TG: variants seen among roughly 807,000 people sequenced by gnomAD.
TG encodes the protein thyroid hormones.
A neutral mutation model predicts 324.7 loss-of-function variants in TG; 270 were observed. The ratio of observed to expected loss-of-function variants is 0.83; its 90% CI spans 0.75 to 0.92. The LOEUF (loss-of-function observed/expected upper bound fraction) is 0.92. Among genes scored for constraint, TG ranks in the 40% least tolerant of loss-of-function variants. TG has a pLI of 0.00. For missense variants in TG, 3,591 were observed against 3,456.4 expected, an observed-to-expected ratio of 1.04 and a Z score of -0.98; for synonymous variants, 1,401 against 1,327.0, an observed-to-expected ratio of 1.06 and a Z score of -1.21.
intron 34 of TG, among the ~76,000 whole-genome samples, chr8:132,973,155 T>G (rs1284359537): frequency 6.6e-6 from 1 of 152,180 alleles, no homozygotes; most frequent in Non-Finnish European, 1.5e-5. Context: ...TTGACGGTCC[T>G]AACAAGATGG....
chr8:133,010,751 C>T (rs542634401), intron 35 of TG, among the ~76,000 whole-genome samples: 77 of 152,168 alleles, frequency 5.1e-4, no homozygotes, highest in Non-Finnish European at 9.8e-4. Flanking sequence ...AGGCACGGCC[C>T]TTGCACCAGA....
chr8:133,057,015 GA>G (rs1310532118), intron 41 of TG, among the ~76,000 whole-genome samples: 1 of 152,156 alleles, frequency 6.6e-6, no homozygotes, highest in Non-Finnish European at 1.5e-5. Flanking sequence ...CAGGTGGTGC[GA>G]AGACCACTTA....
chr8:132,895,074 C>T (rs1816903108), intron 11 of TG, among the ~76,000 whole-genome samples: 1 of 152,254 alleles, frequency 6.6e-6, no homozygotes, highest in Non-Finnish European at 1.5e-5. Context: ...AGCCCTTGTT[C>T]TTCCTCCATA....
chr8:133,110,492 T>C (rs898846942), intron 43 of TG, among the ~76,000 whole-genome samples: 25 of 152,262 alleles, frequency 1.6e-4, no homozygotes, highest in African/African-American at 5.8e-4. Context: ...AAGAGAGCCT[T>C]CTTCCATGAA....
At chr8:133,031,444 A>T (rs1408175465) in intron 41 of TG, among the ~76,000 whole-genome samples, 1 of 152,122 alleles carries the variant, frequency 6.6e-6, no homozygotes, top group Non-Finnish European at 1.5e-5. Flanking sequence ...GAAGGCCTTT[A>T]AGCAGGAAGG....
At chr8:133,129,873 A>G (rs1851816621) in intron 45 of TG, among the ~76,000 whole-genome samples, 1 of 152,130 alleles carries the variant, frequency 6.6e-6, no homozygotes, top group African/African-American at 2.4e-5. Flanking sequence ...ATCCACCTAT[A>G]CACTTAACAG....
At chr8:133,067,852 G>A (rs2958701) in intron 41 of TG, among the ~76,000 whole-genome samples, 3 of 131,636 alleles carry the variant, frequency 2.3e-5, no homozygotes, top group African/African-American at 9.6e-5. Flanking sequence ...CAGAGAGAGA[G>A]AGAAAGAAAG....
chr8:133,034,132 A>G (rs1836875758), intron 41 of TG, among the ~76,000 whole-genome samples: 1 of 152,202 alleles, frequency 6.6e-6, no homozygotes, highest in South Asian at 2.1e-4. Flanking sequence ...CATGTATTTT[A>G]GAATAAGCTT....
At chr8:132,916,967 T>G (rs1170798655) in intron 20 of TG, among the ~76,000 whole-genome samples, 1 of 151,630 alleles carries the variant, frequency 6.6e-6, no homozygotes, top group Non-Finnish European at 1.5e-5. Context: ...CCTTCCTTAC[T>G]TCTTTCCTTC....
chr8:133,038,410 C>CT (rs1837473959), intron 41 of TG: 1 of 805,648 alleles, frequency 1.2e-6, no homozygotes, highest in Non-Finnish European at 2.1e-6. Flanking sequence ...CTTCTCTTGG[C>CT]TTCTAAAATA....
At chr8:133,014,333 A>G (rs1834828900) in intron 37 of TG, among the ~76,000 whole-genome samples, 1 of 152,218 alleles carries the variant, frequency 6.6e-6, no homozygotes, top group African/African-American at 2.4e-5. Flanking sequence ...CACGTGTCAG[A>G]TACTGTGTTG....
chr8:132,886,480 C>G lies in TG; in HGVS notation c.1108C>G (p.Gln370Glu). The G allele has an allele frequency of 6.2e-7, 1 of 1,614,210 alleles. No homozygotes were observed. Among genetic ancestry groups the G allele is most frequent in the Non-Finnish European group, 8.5e-7 (1 of 1,180,034 alleles). ...CCAATCTTGTGCCTCCGAAAGGCAG[C>G]AGGCCTTGTCCAGACTCTACTTTGG... ...EGQSCASERQQALSRLYFGTS... is the reference protein window; with the variant it reads ...EGQSCASERQEALSRLYFGTS... Residue 370 changes from glutamine to glutamate, a missense_variant, in exon 9 of 48, where the codon CAG (glutamine) becomes GAG (glutamate). Physicochemically the swap from Gln to Glu is conservative, Grantham distance 29. Transcript: ENST00000220616.
chr8:132,921,233 A>T (rs1324885865), intron 21 of TG, among the ~76,000 whole-genome samples: 1 of 152,198 alleles, frequency 6.6e-6, no homozygotes, highest in African/African-American at 2.4e-5. Flanking sequence ...AGGGACACAA[A>T]CAATCAGTCT....
intron 43 of TG, among the ~76,000 whole-genome samples, chr8:133,101,248 A>G (rs558569294): frequency 6.6e-6 from 1 of 152,314 alleles, no homozygotes; most frequent in Non-Finnish European, 1.5e-5. Flanking sequence ...GTGGACAACC[A>G]AGTGGAAACT....
chr8:133,028,486 C>T (rs16904806), intron 40 of TG, among the ~76,000 whole-genome samples: 1 of 152,104 alleles, frequency 6.6e-6, no homozygotes, highest in East Asian at 1.9e-4. Context: ...CTAAGAGCAT[C>T]AGCAACATAA....
intron 29 of TG, chr8:132,964,990 A>G: frequency 1.4e-6 from 1 of 698,844 alleles, no homozygotes; most frequent in South Asian, 1.5e-5. Flanking sequence ...AGGCTCTGAG[A>G]GCAGGTGTGC....
chr8:132,985,183 T>G (rs1831370589), intron 35 of TG, among the ~76,000 whole-genome samples: 1 of 152,176 alleles, frequency 6.6e-6, no homozygotes, highest in African/African-American at 2.4e-5. Context: ...AAGCAAAACT[T>G]GAATTTGCTG....
At chr8:133,027,460 G>C (rs890467506) in intron 40 of TG, among the ~76,000 whole-genome samples, 1 of 152,138 alleles carries the variant, frequency 6.6e-6, no homozygotes, top group Non-Finnish European at 1.5e-5. Flanking sequence ...TGGTATGACT[G>C]AGTGAGGTGG....
At chr8:133,093,972 G>T (rs893978902) in intron 41 of TG, among the ~76,000 whole-genome samples, 2 of 152,160 alleles carry the variant, frequency 1.3e-5, no homozygotes, top group Admixed American at 6.5e-5. Context: ...TCCATCAGTG[G>T]CAGTAGCAGG....
Sources: allele counts gnomAD v4.1 joint callset (sites outside exome capture counted in the v4.1 genomes callset), GRCh38; gene constraint gnomAD v4.1.1; transcripts MANE v1.5; gene names NCBI Gene and HGNC (gene_info 2026-07-23, HGNC 2026-07-21).